Variants in CSMD3 observed in about 807,000 individuals in gnomAD.
CSMD3 encodes CUB and Sushi multiple domains 3.
In CSMD3, 177 loss-of-function variants were observed where a neutral mutation model predicts 435.2. That is an observed-to-expected ratio of 0.41 (90% confidence interval 0.36 to 0.46). The LOEUF is 0.46. Among genes scored for constraint, CSMD3 ranks in the 20% least tolerant of loss-of-function variants. The probability of loss-of-function intolerance (pLI) is 0.34; values close to 1 mark genes in which losing one functional copy is unlikely to be tolerated. For synonymous variants in CSMD3, 1,656 were observed against 1,520.5 expected, an observed-to-expected ratio of 1.09 and a Z score of -2.07; for missense variants, 4,265 against 4,504.6, an observed-to-expected ratio of 0.95 and a Z score of 1.52.
intron 32 of CSMD3, among the ~76,000 whole-genome samples, chr8:112,438,970 T>C (rs543603018): frequency 6.6e-6 from 1 of 152,286 alleles, no homozygotes; most frequent in Admixed American, 6.5e-5. Flanking sequence ...GTCATTGTCT[T>C]GTACTCTTGC....
intron 22 of CSMD3, among the ~76,000 whole-genome samples, chr8:112,596,384 C>T (rs935998994): frequency 4.6e-5 from 7 of 151,830 alleles, no homozygotes; most frequent in African/African-American, 1.7e-4. Context: ...GAGTGACCTA[C>T]AAAGAGACTT....
intron 5 of CSMD3, among the ~76,000 whole-genome samples, chr8:113,078,695 A>G (rs962318055): frequency 1.3e-5 from 2 of 152,152 alleles, no homozygotes; most frequent in Non-Finnish European, 2.9e-5. Context: ...AAGTCCATTT[A>G]TTTTCCTCCT....
At chr8:112,496,667 G>A (rs1436068258) in intron 30 of CSMD3, among the ~76,000 whole-genome samples, 1 of 152,066 alleles carries the variant, frequency 6.6e-6, no homozygotes, top group African/African-American at 2.4e-5. Flanking sequence ...TGGAACTGGA[G>A]GACCTAAGTA....
intron 5 of CSMD3, among the ~76,000 whole-genome samples, chr8:113,084,715 G>C (rs61172848): frequency 6.8e-6 from 1 of 147,808 alleles, no homozygotes. Context: ...TCAAAATATA[G>C]TACAAAACTA....
At chr8:112,596,837 T>C (rs1315841545) in intron 22 of CSMD3, among the ~76,000 whole-genome samples, 2 of 151,838 alleles carry the variant, frequency 1.3e-5, no homozygotes, top group Non-Finnish European at 2.9e-5. Flanking sequence ...AGACACAATA[T>C]ACCAGAATCT....
chr8:112,655,712 G>A (rs1006993351), intron 18 of CSMD3, among the ~76,000 whole-genome samples: 1 of 151,710 alleles, frequency 6.6e-6, no homozygotes, highest in African/African-American at 2.4e-5. Context: ...AACATTTTAT[G>A]CAAAATAATA....
At position 113,194,941 on chromosome 8, in the gene CSMD3, T is replaced by C. The variant is rs566900429; in HGVS notation, c.515-21025A>G. 4.0e-5 allele frequency among the ~76,000 whole-genome samples: 6 copies of C among 151,328 alleles called. No individual in the cohort carries two copies. In the East Asian group the frequency reaches 1.2e-3, roughly 30 times the overall value. On this transcript the variant is annotated intron_variant, in intron 3 of 70. Transcript: ENST00000297405. ...ACTTACTACATATTTCATTAAAGTG[T>C]TGGCATAGGTTACAGAACCTTCCTC...
intron 1 of CSMD3, among the ~76,000 whole-genome samples, chr8:113,379,614 A>G (rs188201862): frequency 6.6e-6 from 1 of 152,310 alleles, no homozygotes; most frequent in African/African-American, 2.4e-5. Context: ...GAAAGTGGCT[A>G]TAAAAGAATG....
At chr8:112,948,409 C>T (rs1040311937) in intron 8 of CSMD3, among the ~76,000 whole-genome samples, 2 of 151,926 alleles carry the variant, frequency 1.3e-5, no homozygotes, top group African/African-American at 2.4e-5. Context: ...CTAGGCATGC[C>T]TTTAAATTAT....
intron 40 of CSMD3, among the ~76,000 whole-genome samples, chr8:112,348,831 A>C (rs1673007776): frequency 6.6e-6 from 1 of 152,168 alleles, no homozygotes; most frequent in Admixed American, 6.5e-5. Context: ...CTAAAAAAGT[A>C]ATTTTTTAAA....
chr8:113,052,573 A>G (rs1342242863), intron 5 of CSMD3, among the ~76,000 whole-genome samples: 1 of 152,186 alleles, frequency 6.6e-6, no homozygotes, highest in East Asian at 1.9e-4. Flanking sequence ...GAGGCCAGGC[A>G]TTCGAGACCA....
At chr8:112,577,934 T>C (rs1830066786) in intron 23 of CSMD3, among the ~76,000 whole-genome samples, 1 of 152,060 alleles carries the variant, frequency 6.6e-6, no homozygotes, top group South Asian at 2.1e-4. Flanking sequence ...AATATAAAAG[T>C]AAAATGTGAA....
intron 13 of CSMD3, among the ~76,000 whole-genome samples, chr8:112,709,804 TTTAGGG>T (rs1328725885): frequency 3.9e-5 from 6 of 152,026 alleles, no homozygotes; most frequent in Admixed American, 6.6e-5. Context: ...GGCTTAATTT[TTTAGGG>T]TTAGGGTTAG....
chr8:112,671,321 C>T (rs2075650906), intron 16 of CSMD3, among the ~76,000 whole-genome samples: 1 of 151,832 alleles, frequency 6.6e-6, no homozygotes, highest in Non-Finnish European at 1.5e-5. Flanking sequence ...CCAGGAATGT[C>T]TTTTTCAATG....
intron 8 of CSMD3, among the ~76,000 whole-genome samples, chr8:112,952,064 T>G (rs1008377081): frequency 2.6e-5 from 4 of 151,574 alleles, no homozygotes; most frequent in Non-Finnish European, 5.9e-5. Flanking sequence ...TAATTTTTTT[T>G]AAATCTATAG....
In CSMD3 at chr8:113,436,791, G is replaced by T. The variant is rs764808853; in HGVS notation, c.64C>A (p.Arg22=). Residue 22 remains arginine (R), a synonymous_variant, in exon 1 of 71, where the codon CGA becomes AGA. Coordinates refer to ENST00000297405, the MANE Select transcript of CSMD3 (RefSeq NM_198123.2). ...KESKPWEPGK[R]RCAKCGRLDF... is the part of the protein sequence containing the mutation. ...AGGCGGCCACATTTAGCGCATCTTCGCTTGCCAGGCTCCCAGGGTTTGGAT... is the reference window on the plus strand; with the variant it reads ...AGGCGGCCACATTTAGCGCATCTTCTCTTGCCAGGCTCCCAGGGTTTGGAT... 11 of 1,614,072 alleles carry T rather than the reference G, an allele frequency of 6.8e-6. No individual in the cohort carries two copies. Among genetic ancestry groups the T allele is most frequent in the Non-Finnish European group, 8.5e-6 (10 of 1,180,026 alleles).
chr8:113,404,015 A>T lies in CSMD3; in HGVS notation c.178+32662T>A, dbSNP rs558052217. On this transcript the variant is annotated intron_variant, in intron 1 of 70. Coordinates refer to ENST00000297405, the MANE Select transcript of CSMD3 (RefSeq NM_198123.2). Reference sequence around the variant, plus strand: ...CATATGTGGATTTGAAACATTAATAACTTCCTTGAAATGTTACTTTTTATT... The same window carrying T: ...CATATGTGGATTTGAAACATTAATATCTTCCTTGAAATGTTACTTTTTATT... 4.4e-3 allele frequency among the ~76,000 whole-genome samples: 668 copies of T among 151,548 alleles called. 2 individuals are homozygous for T. The highest frequency in any genetic ancestry group is 8.3e-3 in the Non-Finnish European group (563 of 67,436).
At chr8:113,234,653 A>G (rs2132208594) in intron 3 of CSMD3, among the ~76,000 whole-genome samples, 1 of 152,252 alleles carries the variant, frequency 6.6e-6, no homozygotes, top group South Asian at 2.1e-4. Context: ...CAATTTCAGG[A>G]TGATGTTTCT....
At chr8:112,575,453 G>T (rs545090027) in intron 23 of CSMD3, among the ~76,000 whole-genome samples, 1 of 151,962 alleles carries the variant, frequency 6.6e-6, no homozygotes, top group South Asian at 2.1e-4. Flanking sequence ...ACATTACTTG[G>T]TCTCTCTCTT....
Sources: allele counts gnomAD v4.1 joint callset (sites outside exome capture counted in the v4.1 genomes callset), GRCh38; gene constraint gnomAD v4.1.1; transcripts MANE v1.5; gene names NCBI Gene and HGNC (gene_info 2026-07-23, HGNC 2026-07-21).